The following NLRC5 variants were observed in gnomAD, a reference collection of about 807,000 sequenced individuals.
NLRC5 encodes the protein NLR family CARD domain containing 5.
A neutral mutation model predicts 206.9 loss-of-function variants in NLRC5; 114 were observed. That is an observed-to-expected ratio of 0.55 (90% CI 0.47 to 0.64). NLRC5 has a LOEUF of 0.64. NLRC5 is among the 30% of genes least tolerant of loss of function. The pLI, the probability that NLRC5 is intolerant of heterozygous loss-of-function variation, is 0.00. For missense variants in NLRC5, 2,008 were observed against 2,305.5 expected (o/e 0.87, Z 2.64); for synonymous variants, 952 against 962.8 (o/e 0.99, Z 0.21).
intron 32 of NLRC5, among the ~76,000 whole-genome samples, chr16:57,063,307 G>A (rs1435513312): frequency 6.6e-5 from 10 of 151,298 alleles, no homozygotes; most frequent in African/African-American, 2.4e-4. Context: ...GTAGAGACAG[G>A]GTTTCACCAT....
chr16:57,029,230 C>T (rs1207593596), intron 8 of NLRC5, among the ~76,000 whole-genome samples: 3 of 152,202 alleles, frequency 2.0e-5, no homozygotes, highest in Non-Finnish European at 4.4e-5. Flanking sequence ...TTTCATCACC[C>T]ACCATTGTTC....
chr16:57,023,723 G>A lies in NLRC5; in HGVS notation c.356-62G>A, dbSNP rs2060933688. The A allele has an allele frequency of 2.8e-6, 4 of 1,429,408 alleles. No homozygotes were observed. The South Asian group carries it at 4.9e-5, about 17-fold the overall frequency. 88.5% of individuals were successfully genotyped at this position (1,429,408 alleles called of 1,614,324 possible). ...TGGACTGGAGTTCCCCAAAGGTTCT[G>A]GGTAACCCCTCAGCCCAGATCCCCA... On this transcript the variant is annotated intron_variant, in intron 4 of 48. Coordinates refer to ENST00000688547, the MANE Select transcript of NLRC5 (RefSeq NM_001384950.1).
At chr16:57,067,520 T>C in intron 35 of NLRC5, 50 bp downstream of exon 35, 1 of 1,554,576 alleles carries the variant, frequency 6.4e-7, no homozygotes, top group Non-Finnish European at 8.9e-7. Context: ...TGGTTGACCC[T>C]GGTACCTACT....
intron 1 of NLRC5, among the ~76,000 whole-genome samples, chr16:56,991,702 A>G (rs1427536085): frequency 1.3e-5 from 1 of 76,304 alleles, no homozygotes; most frequent in Non-Finnish European, 3.0e-5. Flanking sequence ...TTTTTTTTTT[A>G]ATAGACATGA....
rs1307554345 is a variant in NLRC5, at chr16:57,055,517, G to T, written c.3744G>T (p.Val1248=). The T allele has an allele frequency of 3.7e-6, 6 of 1,612,670 alleles. No homozygotes were observed. The highest frequency in any genetic ancestry group is 5.1e-6 in the Non-Finnish European group (6 of 1,179,104). Residue 1248 remains valine (V), a splice_region_variant and synonymous_variant, in exon 27 of 49, where the codon GTG becomes GTT. Coordinates refer to ENST00000688547, the MANE Select transcript of NLRC5 (RefSeq NM_001384950.1). The part of the protein sequence containing the change: ...LLSKCKDLSQ[V]DLSANLLGDS... Reference sequence around the variant, plus strand: ...GCAAGTGTAAAGACCTCAGCCAGGTGGAGTAAGTTGAGGGAGGAGGAGGAA... The same window carrying T: ...GCAAGTGTAAAGACCTCAGCCAGGTTGAGTAAGTTGAGGGAGGAGGAGGAA...
chr16:57,070,713 G>C (rs12935002), intron 38 of NLRC5, 95 bp downstream of exon 38: 2 of 1,046,976 alleles, frequency 1.9e-6, no homozygotes, highest in South Asian at 2.7e-5. Context: ...ATGGATGGTG[G>C]AAGTGGGTGA....
chr16:57,030,051 T>G lies in NLRC5; in HGVS notation c.2384T>G (p.Val795Gly), dbSNP rs2061632114. The G allele has an allele frequency of 6.2e-7, 1 of 1,613,948 alleles. No individual in the cohort carries two copies. Among genetic ancestry groups the G allele is most frequent in the Non-Finnish European group, 8.5e-7 (1 of 1,180,006 alleles). ...STLLCLARVAVTCPTVRMLQA... is the reference protein window; with the variant it reads ...STLLCLARVAGTCPTVRMLQA... Reference sequence around the variant, plus strand: ...CTACTCTGCTTGGCAAGGGTGGCAGTCACGTGTCCTACCGTCAGGATGCTT... The same window carrying G: ...CTACTCTGCTTGGCAAGGGTGGCAGGCACGTGTCCTACCGTCAGGATGCTT... The change falls in exon 10 of 49, where the codon GTC becomes GGC. Residue 795 changes from valine (V) to glycine (G), a missense_variant. Transcript: ENST00000688547.
intron 1 of NLRC5, among the ~76,000 whole-genome samples, chr16:56,993,460 G>C (rs1013394993): frequency 6.6e-6 from 1 of 152,108 alleles, no homozygotes; most frequent in Non-Finnish European, 1.5e-5. Context: ...TTTTTCATAC[G>C]TGGGAGTGAA....
chr16:57,026,606 C>A lies in NLRC5; in HGVS notation c.1663C>A (p.Leu555Met). ...SRWVQRTKAR[L>M]GLSDHLPTFL... is the part of the protein sequence containing the mutation. ...CTGGGTACAGCGGACCAAAGCTAGA[C>A]TGGGCCTCTCAGACCACCTCCCCAC... Residue 555 changes from leucine (L) to methionine (M), a missense_variant, in exon 6 of 49, where the codon CTG becomes ATG. Coordinates refer to ENST00000688547, the MANE Select transcript of NLRC5 (RefSeq NM_001384950.1). 1 of 1,614,238 alleles carries A rather than the reference C, an allele frequency of 6.2e-7. No homozygotes were observed. Among genetic ancestry groups the A allele is most frequent in the South Asian group, 1.1e-5 (1 of 91,088 alleles).
intron 10 of NLRC5, 92 bp from the exon 11 acceptor site, chr16:57,031,312 T>A (rs1216262593): frequency 2.2e-6 from 3 of 1,362,868 alleles, no homozygotes; most frequent in Non-Finnish European, 2.1e-6. Context: ...TCTGGATGTT[T>A]GAACATTTGG....
chr16:57,058,131 C>T lies in NLRC5; in HGVS notation c.3813C>T (p.Pro1271=). 6.2e-7 allele frequency: 1 copy of T among 1,609,220 alleles called. No homozygotes were observed. Among genetic ancestry groups the T allele is most frequent in the Non-Finnish European group, 8.5e-7 (1 of 1,177,254 alleles). Residue 1271 remains proline (P), a synonymous_variant, in exon 28 of 49, where the codon CCC becomes CCT. Coordinates refer to ENST00000688547, the MANE Select transcript of NLRC5 (RefSeq NM_001384950.1). ...TTCTGGAATGTCTGCCGCAGGTGCC[C>T]ATCTCCGGTTTGCTTGAGTAAGTGG... ...RCLLECLPQV[P]ISGLLDLSHN...
chr16:57,060,390 C>A lies in NLRC5; in HGVS notation c.3986+858C>A, dbSNP rs190235736. Among the ~76,000 whole-genome samples the A allele has an allele frequency of 2.9e-3, 437 of 151,804 alleles. 5 individuals carry two copies. Among genetic ancestry groups the A allele is most frequent in the Middle Eastern group, 3.4e-3 (1 of 294 alleles). Reference sequence around the variant, plus strand: ...CACACACACGCCCTACACACCAACCCATATACCACAGATACACCAAGCACA... The same window carrying A: ...CACACACACGCCCTACACACCAACCAATATACCACAGATACACCAAGCACA... On this transcript the variant is annotated intron_variant, in intron 30 of 48. Transcript: ENST00000688547.
intron 19 of NLRC5, among the ~76,000 whole-genome samples, chr16:57,042,800 C>T (rs1214486538): frequency 2.6e-5 from 4 of 152,148 alleles, no homozygotes; most frequent in African/African-American, 9.7e-5. Context: ...TTGGTGGCTA[C>T]GATCTCTGAA....
intron 33 of NLRC5, among the ~76,000 whole-genome samples, chr16:57,065,842 C>T (rs2067021458): frequency 6.6e-6 from 1 of 152,186 alleles, no homozygotes; most frequent in South Asian, 2.1e-4. Context: ...GCTGTACTGT[C>T]ACCAGCCACA....
chr16:57,001,083 C>A (rs528766409), intron 1 of NLRC5, among the ~76,000 whole-genome samples: 3 of 152,208 alleles, frequency 2.0e-5, no homozygotes, highest in Non-Finnish European at 4.4e-5. Flanking sequence ...ATCAGCCATT[C>A]CCGGGGGGAA....
chr16:57,033,717 G>T (rs757131815), intron 12 of NLRC5, 48 bp downstream of exon 12: 15 of 1,559,172 alleles, frequency 9.6e-6, no homozygotes, highest in Non-Finnish European at 1.3e-5. Flanking sequence ...TGATATGGGG[G>T]AAAGTCCGAG....
In NLRC5 at chr16:57,069,888, C is replaced by G. The variant is rs2067441927; in HGVS notation, c.4552C>G (p.Leu1518Val). ...TEGLAHLASG[L>V]GHCHHLEELD... ...GGGCCTCGCCCACCTGGCATCTGGT[C>G]TGGGCCACTGCCACCACTTGGAGGA... The change falls in exon 37 of 49, where the codon CTG becomes GTG. Residue 1518 changes from leucine (L) to valine (V), a missense_variant. By Grantham distance (32) the Leu-to-Val change is conservative (BLOSUM62 1). Coordinates refer to ENST00000688547, the MANE Select transcript of NLRC5 (RefSeq NM_001384950.1). 2 of 1,591,436 alleles carry G rather than the reference C, an allele frequency of 1.3e-6. No individual in the cohort carries two copies. The highest frequency in any genetic ancestry group is 1.7e-6 in the Non-Finnish European group (2 of 1,169,668).
At chr16:57,038,006 C>G (rs1027401279) in intron 15 of NLRC5, among the ~76,000 whole-genome samples, 1 of 152,110 alleles carries the variant, frequency 6.6e-6, no homozygotes, top group Non-Finnish European at 1.5e-5. Flanking sequence ...GCATTCCAAG[C>G]GATGCCCTGT....
chr16:57,078,474 T>G (rs1260584699), intron 43 of NLRC5, among the ~76,000 whole-genome samples: 7 of 144,418 alleles, frequency 4.8e-5, no homozygotes, highest in Non-Finnish European at 9.1e-5. Context: ...TTGTTTTTTT[T>G]TTTTTTTTTT....
Sources: gnomAD v4.1 joint callset for allele counts (sites outside exome capture counted in the v4.1 genomes callset) on GRCh38, gnomAD v4.1.1 for gene constraint, MANE v1.5 for transcripts, NCBI Gene and HGNC (gene_info 2026-07-23, HGNC 2026-07-21) for gene names.